Variants in ADGRV1 observed in about 807,000 individuals in gnomAD.
ADGRV1 encodes G-protein coupled receptor 98.
ADGRV1 carries 359 observed loss-of-function variants against 596.2 expected under a neutral mutation model. The ratio of observed to expected loss-of-function variants is 0.60; its 90% CI spans 0.55 to 0.66. The LOEUF is 0.66. Among genes scored for constraint, ADGRV1 ranks in the 30% least tolerant of loss-of-function variants. The pLI is 0.00. For synonymous variants in ADGRV1, 2,681 were observed against 2,679.2 expected (o/e 1.00, Z -0.02); for missense variants, 7,274 against 7,575.6 (o/e 0.96, Z 1.48).
chr5:91,150,221 G>A lies in ADGRV1; in HGVS notation c.18624G>A (p.Glu6208=). The change falls in exon 88 of 90, where the codon GAG becomes GAA. Residue 6208 remains glutamate, a splice_region_variant and synonymous_variant. Transcript: ENST00000405460. ...AGAATCTCATCGGTGCTATGGAGGA[G>A]GTGTCTGCCCTTGCCCTTTCATTCT... ...STQNLIGAME[E]VPPDWERASF... The A allele has an allele frequency of 6.5e-7, 1 of 1,547,914 alleles. No individual in the cohort carries two copies. The highest frequency in any genetic ancestry group is 1.2e-5 in the South Asian group (1 of 80,506).
chr5:90,908,204 T>A (rs1019192487), intron 83 of ADGRV1, among the ~76,000 whole-genome samples: 5 of 152,134 alleles, frequency 3.3e-5, no homozygotes, highest in Non-Finnish European at 7.3e-5. Flanking sequence ...TAGATTATAC[T>A]TTTTTATATT....
chr5:90,768,099 G>A (rs1757333015), intron 59 of ADGRV1, among the ~76,000 whole-genome samples: 1 of 152,174 alleles, frequency 6.6e-6, no homozygotes, highest in Non-Finnish European at 1.5e-5. Context: ...ACACTTCCCA[G>A]GTGATTAAAA....
chr5:90,574,147 G>A (rs1756904149), intron 1 of ADGRV1, among the ~76,000 whole-genome samples: 1 of 151,342 alleles, frequency 6.6e-6, no homozygotes, highest in East Asian at 1.9e-4. Context: ...CTCTTTTTCG[G>A]TTCCATGTTA....
chr5:90,878,355 T>A (rs776133172), intron 83 of ADGRV1, among the ~76,000 whole-genome samples: 1 of 152,194 alleles, frequency 6.6e-6, no homozygotes, highest in Non-Finnish European at 1.5e-5. Flanking sequence ...CTTGGAGGCC[T>A]CTCTTCCAGC....
chr5:90,629,640 C>A, intron 9 of ADGRV1, 101 bp downstream of exon 9: 1 of 895,822 alleles, frequency 1.1e-6, no homozygotes, highest in Non-Finnish European at 1.7e-6. Flanking sequence ...TGTTATTTTG[C>A]CGTCATTTAT....
intron 55 of ADGRV1, among the ~76,000 whole-genome samples, chr5:90,756,206 T>C (rs1755813977): frequency 6.6e-6 from 1 of 152,156 alleles, no homozygotes; most frequent in Non-Finnish European, 1.5e-5. Context: ...TTTTTAAAAA[T>C]TATTTTATTT....
At chr5:91,041,033 T>C (rs1785295943) in intron 85 of ADGRV1, among the ~76,000 whole-genome samples, 1 of 152,188 alleles carries the variant, frequency 6.6e-6, no homozygotes, top group Non-Finnish European at 1.5e-5. Context: ...AATTACACTG[T>C]TGGTGGGAGT....
chr5:90,729,953 G>A (rs138252812), intron 50 of ADGRV1, among the ~76,000 whole-genome samples, 189 bp downstream of exon 50: 69 of 151,790 alleles, frequency 4.5e-4, no homozygotes, highest in Middle Eastern at 3.4e-3. Context: ...TGCAAGCTCC[G>A]CCTCCCAGGT....
intron 50 of ADGRV1, among the ~76,000 whole-genome samples, chr5:90,734,918 T>C (rs1753024112): frequency 6.6e-6 from 1 of 152,218 alleles, no homozygotes; most frequent in African/African-American, 2.4e-5. Context: ...TCTTATATAG[T>C]TTGGATATTA....
intron 85 of ADGRV1, among the ~76,000 whole-genome samples, chr5:91,002,211 C>T (rs559264042): frequency 8.5e-4 from 129 of 152,178 alleles, no homozygotes; most frequent in African/African-American, 3.1e-3. Context: ...GTGTTCTGCT[C>T]AATGAAATTT....
chr5:90,820,481 T>A (rs561789005), intron 75 of ADGRV1, among the ~76,000 whole-genome samples: 1 of 152,268 alleles, frequency 6.6e-6, no homozygotes, highest in African/African-American at 2.4e-5. Context: ...GTGATTTTGC[T>A]CATTAGTTGA....
chr5:91,136,602 T>C (rs1276988113), intron 87 of ADGRV1, among the ~76,000 whole-genome samples: 1 of 152,242 alleles, frequency 6.6e-6, no homozygotes, highest in Admixed American at 6.5e-5. Context: ...CACCTTTCTT[T>C]ATAAATTTGA....
At chr5:91,094,644 T>C (rs776035207) in intron 86 of ADGRV1, among the ~76,000 whole-genome samples, 10 of 151,956 alleles carry the variant, frequency 6.6e-5, no homozygotes, top group Non-Finnish European at 1.5e-4. Flanking sequence ...GAAGATAAAA[T>C]AGACAAAATA....
rs193074766 is a variant in ADGRV1, at chr5:90,889,979, C to T, written c.17856+26122C>T. Among the ~76,000 whole-genome samples, 442 of 152,272 alleles carry T rather than the reference C, an allele frequency of 2.9e-3. 2 individuals are homozygous for T. The highest frequency in any genetic ancestry group is 9.8e-3 in the African/African-American group (409 of 41,582). ...GCTGCAAAACCTTTGCCCATTCCAG[C>T]TGCTCACTCCTAAACCCAGTCTGGT... On this transcript the variant is annotated intron_variant, in intron 83 of 89. Transcript: ENST00000405460.
chr5:90,781,258 A>G (rs1758806446), intron 64 of ADGRV1, 172 bp from the exon 65 acceptor site: 3 of 654,468 alleles, frequency 4.6e-6, no homozygotes, highest in Non-Finnish European at 8.1e-6. Context: ...GTTTCAAAAC[A>G]TCATTTCAGG....
intron 75 of ADGRV1, among the ~76,000 whole-genome samples, chr5:90,817,245 T>A (rs1203477521): frequency 6.6e-6 from 1 of 150,640 alleles, no homozygotes; most frequent in Non-Finnish European, 1.5e-5. Flanking sequence ...CTTCACCCAC[T>A]TTTTGATGGG....
At chr5:91,119,138 A>G (rs749696246) in intron 87 of ADGRV1, among the ~76,000 whole-genome samples, 3 of 151,970 alleles carry the variant, frequency 2.0e-5, no homozygotes, top group African/African-American at 4.9e-5. Flanking sequence ...AAATCCACCT[A>G]ATAGTATTCA....
At chr5:91,142,565 T>A (rs1795183921) in intron 87 of ADGRV1, among the ~76,000 whole-genome samples, 1 of 152,184 alleles carries the variant, frequency 6.6e-6, no homozygotes, top group Non-Finnish European at 1.5e-5. Flanking sequence ...CCCAGCTTAA[T>A]CACTTTCCTG....
At chr5:90,918,982 A>G (rs1773627816) in intron 83 of ADGRV1, among the ~76,000 whole-genome samples, 1 of 152,186 alleles carries the variant, frequency 6.6e-6, no homozygotes, top group African/African-American at 2.4e-5. Flanking sequence ...GATGCATCTC[A>G]TACATTTTGA....
Sources: allele counts gnomAD v4.1 joint callset (sites outside exome capture counted in the v4.1 genomes callset), GRCh38; gene constraint gnomAD v4.1.1; transcripts MANE v1.5; gene names NCBI Gene and HGNC (gene_info 2026-07-23, HGNC 2026-07-21).